Variants in GABRA2 observed in about 807,000 individuals in gnomAD.
GABRA2 encodes the protein gamma-aminobutyric acid type A receptor subunit alpha2, also known as gamma-aminobutyric acid receptor subunit alpha-2.
Under a neutral mutation model 48.7 loss-of-function variants are expected in GABRA2, and 16 were observed. That is an observed-to-expected ratio of 0.33 (90% CI 0.22 to 0.50). The LOEUF (loss-of-function observed/expected upper bound fraction) is 0.50, where lower values mean the gene tolerates loss of function less well. Ranked by LOEUF, GABRA2 falls within the 20% of genes least tolerant of loss-of-function variation. The pLI, the probability that GABRA2 is intolerant of heterozygous loss-of-function variation, is 0.98. For missense variants in GABRA2, 275 were observed against 535.6 expected (o/e 0.51, Z 4.80); for synonymous variants, 185 against 184.5 (o/e 1.00, Z -0.02).
intron 4 of GABRA2, among the ~76,000 whole-genome samples, chr4:46,329,299 G>A (rs1421525664): frequency 6.6e-6 from 1 of 152,110 alleles, no homozygotes; most frequent in Admixed American, 6.6e-5. Flanking sequence ...AATAGAGGGT[G>A]CTGGAGGGAC....
intron 4 of GABRA2, among the ~76,000 whole-genome samples, chr4:46,315,942 T>TACACACAC (rs969052829): frequency 2.0e-5 from 3 of 148,206 alleles, no homozygotes; most frequent in African/African-American, 5.0e-5. Context: ...AGTACATATA[T>TACACACAC]ACACACACAC....
At chr4:46,332,496 A>G (rs367619095) in intron 4 of GABRA2, 119 bp downstream of exon 4, 1 of 623,080 alleles carries the variant, frequency 1.6e-6, no homozygotes. Context: ...GTATTTGAGT[A>G]GACTAAATAG....
chr4:46,314,900 T>C (rs1728285446), intron 4 of GABRA2, among the ~76,000 whole-genome samples: 1 of 152,146 alleles, frequency 6.6e-6, no homozygotes, highest in Admixed American at 6.6e-5. Flanking sequence ...GATGGGCATC[T>C]AAATTAATTC....
Position 46,247,496 on chromosome 4 carries a change from G to A in GABRA2, c.*2812C>T, listed in dbSNP as rs1317011028. Among the ~76,000 whole-genome samples, 1 of 150,992 alleles carries A rather than the reference G, an allele frequency of 6.6e-6. No homozygotes were observed. ...GGCACAGGAGGTAAAAAATATTTTT[G>A]AATAAATATTAGTTAAATCAGAGTA... is the stretch of plus-strand genomic sequence containing the variant. On this transcript the variant is annotated 3_prime_UTR_variant, in exon 10 of 10. Transcript: ENST00000381620.
intron 4 of GABRA2, among the ~76,000 whole-genome samples, chr4:46,317,001 G>A (rs1198955869): frequency 1.3e-5 from 2 of 152,042 alleles, no homozygotes; most frequent in East Asian, 3.9e-4. Context: ...TGGTGTAGTA[G>A]GTAACCCCAA....
At chr4:46,260,770 GATTCCTTTTAAT>G (rs1433244110) in intron 9 of GABRA2, 1 of 151,870 alleles carries the variant, frequency 6.6e-6, no homozygotes, top group Non-Finnish European at 1.5e-5. Flanking sequence ...AAATGGACCA[GATTCCTTTTAAT>G]ATTTATTTGT....
intron 3 of GABRA2, among the ~76,000 whole-genome samples, chr4:46,377,924 G>T (rs542180066): frequency 2.5e-4 from 37 of 150,028 alleles, no homozygotes; most frequent in African/African-American, 8.1e-4. Context: ...CTGCCCGGCC[G>T]CCCCTACTGG....
chr4:46,271,085 A>G (rs997718371), intron 8 of GABRA2, among the ~76,000 whole-genome samples: 1 of 151,992 alleles, frequency 6.6e-6, no homozygotes, highest in Non-Finnish European at 1.5e-5. Context: ...AATAAAATAA[A>G]ACCTTCCTAT....
At chr4:46,320,895 T>G (rs1729337243) in intron 4 of GABRA2, among the ~76,000 whole-genome samples, 1 of 151,878 alleles carries the variant, frequency 6.6e-6, no homozygotes, top group Non-Finnish European at 1.5e-5. Flanking sequence ...CCAAGAGAAA[T>G]GAAATCATGA....
chr4:46,378,075 G>A (rs1282455060), intron 3 of GABRA2, among the ~76,000 whole-genome samples: 1 of 152,086 alleles, frequency 6.6e-6, no homozygotes, highest in Admixed American at 6.5e-5. Context: ...CCCCATCAGG[G>A]AGGTGAGGGG....
chr4:46,250,282 A>G lies in GABRA2; in HGVS notation c.*26T>C. On this transcript the variant is annotated 3_prime_UTR_variant, in exon 10 of 10. Coordinates refer to ENST00000381620, the MANE Select transcript of GABRA2 (RefSeq NM_000807.4). Reference sequence around the variant, plus strand: ...CAAACCAAATTTAATGTTGCTATACATCCCAAAGATAACATGGGTCTCAAT... The same window carrying G: ...CAAACCAAATTTAATGTTGCTATACGTCCCAAAGATAACATGGGTCTCAAT... 6.3e-7 allele frequency: 1 copy of G among 1,585,740 alleles called. No homozygotes were observed. Among genetic ancestry groups the G allele is most frequent in the South Asian group, 1.1e-5 (1 of 87,426 alleles).
intron 3 of GABRA2, among the ~76,000 whole-genome samples, chr4:46,359,695 A>G (rs941999646): frequency 6.6e-6 from 1 of 152,144 alleles, no homozygotes; most frequent in Non-Finnish European, 1.5e-5. Flanking sequence ...AGGCAGACGG[A>G]TCATGAGGTC....
At chr4:46,389,050 C>T (rs200020852) in intron 1 of GABRA2, 71 of 1,056,616 alleles carry the variant, frequency 6.7e-5, no homozygotes, top group Non-Finnish European at 7.9e-5. Flanking sequence ...GTAATAATAA[C>T]ACCCTGGACT....
intron 5 of GABRA2, among the ~76,000 whole-genome samples, chr4:46,310,745 A>G (rs1727505793): frequency 6.6e-6 from 1 of 152,216 alleles, no homozygotes; most frequent in East Asian, 1.9e-4. Flanking sequence ...ACAGCTATAC[A>G]TATAGTGCTA....
intron 3 of GABRA2, chr4:46,364,270 ATAAT>A (rs1246610274): frequency 6.6e-6 from 1 of 152,244 alleles, no homozygotes; most frequent in Non-Finnish European, 1.5e-5. Flanking sequence ...GTACTTTGAA[ATAAT>A]TAAATGAGAT....
At chr4:46,376,342 C>T (rs1715696550) in intron 3 of GABRA2, among the ~76,000 whole-genome samples, 1 of 152,132 alleles carries the variant, frequency 6.6e-6, no homozygotes, top group Non-Finnish European at 1.5e-5. Flanking sequence ...ATCAGTCATG[C>T]TTATGGTCCA....
At chr4:46,294,524 G>T (rs1724268337) in intron 8 of GABRA2, among the ~76,000 whole-genome samples, 1 of 152,162 alleles carries the variant, frequency 6.6e-6, no homozygotes, top group Admixed American at 6.5e-5. Flanking sequence ...CCAGTTTTGA[G>T]TGGCATCCAG....
chr4:46,279,571 T>C (rs866442155), intron 8 of GABRA2, among the ~76,000 whole-genome samples: 9 of 152,132 alleles, frequency 5.9e-5, no homozygotes, highest in African/African-American at 1.4e-4. Context: ...CAGAGTCATA[T>C]TGATATGTCA....
At chr4:46,335,205 T>C (rs1732013142) in intron 3 of GABRA2, among the ~76,000 whole-genome samples, 2 of 152,068 alleles carry the variant, frequency 1.3e-5, no homozygotes. Context: ...ATTATATGAA[T>C]GTAGGCTATT....
Sources: gnomAD v4.1 joint callset for allele counts (sites outside exome capture counted in the v4.1 genomes callset) on GRCh38, gnomAD v4.1.1 for gene constraint, MANE v1.5 for transcripts, NCBI Gene and HGNC (gene_info 2026-07-23, HGNC 2026-07-21) for gene names.